RBFOX1: variants seen among roughly 807,000 people sequenced by gnomAD.
RBFOX1 encodes the protein RNA binding fox-1 homolog 1.
In RBFOX1, 8 loss-of-function variants were observed where a neutral mutation model predicts 57.7. The ratio of observed to expected loss-of-function variants is 0.14; its 90% CI spans 0.08 to 0.25. RBFOX1 has a LOEUF of 0.25. Ranked by LOEUF, RBFOX1 falls within the 10% of genes least tolerant of loss-of-function variation. The pLI, the probability that RBFOX1 is intolerant of heterozygous loss-of-function variation, is 1.00. For synonymous variants in RBFOX1, 326 were observed against 222.4 expected, an observed-to-expected ratio of 1.47 and a Z score of -4.15; for missense variants, 611 against 548.5, an observed-to-expected ratio of 1.11 and a Z score of -1.14.
chr16:7,478,647 C>G (rs1401552372), intron 4 of RBFOX1, among the ~76,000 whole-genome samples: 1 of 152,160 alleles, frequency 6.6e-6, no homozygotes, highest in African/African-American at 2.4e-5. Context: ...ATTTCAGAAG[C>G]CACTTTTGCC....
chr16:7,044,042 T>G (rs2047067161), intron 3 of RBFOX1, among the ~76,000 whole-genome samples: 1 of 152,204 alleles, frequency 6.6e-6, no homozygotes, highest in African/African-American at 2.4e-5. Flanking sequence ...TTCTCTGTAT[T>G]GTAATTATCC....
In RBFOX1 at chr16:7,504,747, A is replaced by ATATATT. The variant is rs2072432294; in HGVS notation, c.28-13395_28-13394insTTATAT. Among the ~76,000 whole-genome samples, 6 of 12,396 alleles carry ATATATT rather than the reference A, an allele frequency of 4.8e-4. 2 individuals carry two copies. The highest frequency in any genetic ancestry group is 1.5e-3 in the African/African-American group (6 of 3,892). The allele number at this position is 12,396 out of a possible 152,430, so 8.1% of individuals were successfully genotyped here. ...TATATATATATATATATATATATAT[A>ATATATT]TATATATTTATATATATATATATTT... On this transcript the variant is annotated intron_variant, in intron 4 of 15. Transcript: ENST00000550418.
At chr16:6,953,268 C>T (rs974382309) in intron 3 of RBFOX1, among the ~76,000 whole-genome samples, 1 of 152,146 alleles carries the variant, frequency 6.6e-6, no homozygotes, top group Non-Finnish European at 1.5e-5. Context: ...TAAGTTCAAA[C>T]ATATACACCG....
intron 2 of RBFOX1, among the ~76,000 whole-genome samples, chr16:6,653,261 C>T (rs1025942791): frequency 1.3e-5 from 2 of 152,020 alleles, no homozygotes; most frequent in Admixed American, 1.3e-4. Flanking sequence ...TATTTTTCTT[C>T]ATAGTACATA....
intron 1 of RBFOX1, among the ~76,000 whole-genome samples, chr16:5,443,970 G>T (rs1011451481): frequency 2.2e-4 from 33 of 152,062 alleles, no homozygotes; most frequent in African/African-American, 7.7e-4. Flanking sequence ...TCAACCATCG[G>T]CTCATGAAAC....
At chr16:5,759,121 C>G (rs965074396) in intron 3 of RBFOX1, among the ~76,000 whole-genome samples, 2 of 152,166 alleles carry the variant, frequency 1.3e-5, no homozygotes, top group African/African-American at 4.8e-5. Flanking sequence ...CCTTTCTTCA[C>G]TTTCCTTTTG....
intron 4 of RBFOX1, among the ~76,000 whole-genome samples, chr16:5,970,829 C>T (rs1224314526): frequency 1.3e-5 from 2 of 152,166 alleles, no homozygotes. Flanking sequence ...TCAGTATGCA[C>T]ATTGCAAGAT....
At chr16:5,613,814 TTC>T (rs1222626658) in intron 3 of RBFOX1, among the ~76,000 whole-genome samples, 2 of 152,120 alleles carry the variant, frequency 1.3e-5, no homozygotes, top group African/African-American at 4.8e-5. Flanking sequence ...GTTTTTTTTT[TTC>T]TTCCCCAGCC....
rs535688686 is a variant in RBFOX1 at position 5,422,024 on chromosome 16, T to C, written c.220-45192T>C. ...CTTGCTCAAAGTGAAGGGTTTTCTT[T>C]AAAAGCAATTACGCAGTACCTGTTA... On this transcript the variant is annotated intron_variant, in intron 1 of 2. Transcript: ENST00000585867. 2.6e-5 allele frequency among the ~76,000 whole-genome samples: 4 copies of C among 152,350 alleles called. No homozygotes were observed. In the South Asian group the frequency reaches 8.3e-4, roughly 32 times the overall value.
Position 6,348,768 on chromosome 16 carries a change from A to T in RBFOX1, c.-64+31711A>T, listed in dbSNP as rs528041562. Reference sequence around the variant, plus strand: ...ACCAAGGGGATGGTGCTAACCATTCATGAAGGATCCACACCCTTGATCCCA... The same window carrying T: ...ACCAAGGGGATGGTGCTAACCATTCTTGAAGGATCCACACCCTTGATCCCA... On this transcript the variant is annotated intron_variant, in intron 2 of 15. Coordinates refer to ENST00000550418, the MANE Select transcript of RBFOX1 (RefSeq NM_018723.4). Among the ~76,000 whole-genome samples, 16 of 152,148 alleles carry T rather than the reference A, an allele frequency of 1.1e-4. No homozygotes were observed. The East Asian group carries it at 1.6e-3, about 15-fold the overall frequency.
At chr16:7,072,033 A>G (rs967741582) in intron 4 of RBFOX1, among the ~76,000 whole-genome samples, 7 of 152,260 alleles carry the variant, frequency 4.6e-5, no homozygotes, top group Middle Eastern at 6.8e-3. Context: ...AGTCATAACG[A>G]TTTCTAAACT....
chr16:5,638,481 C>G (rs1366343518), intron 3 of RBFOX1, among the ~76,000 whole-genome samples: 1 of 152,240 alleles, frequency 6.6e-6, no homozygotes, highest in South Asian at 2.1e-4. Context: ...TTACTTTTCC[C>G]TCTGCCTGCA....
intron 1 of RBFOX1, among the ~76,000 whole-genome samples, chr16:6,131,012 A>G (rs974220678): frequency 6.6e-6 from 1 of 152,160 alleles, no homozygotes; most frequent in South Asian, 2.1e-4. Flanking sequence ...ATGTGGATGA[A>G]TCTCATATAC....
intron 4 of RBFOX1, among the ~76,000 whole-genome samples, chr16:5,875,315 A>T (rs2057576750): frequency 1.3e-5 from 2 of 152,326 alleles, no homozygotes; most frequent in South Asian, 4.1e-4. Flanking sequence ...GCCATATCTG[A>T]ACCAGGTTTG....
intron 3 of RBFOX1, among the ~76,000 whole-genome samples, chr16:6,918,501 C>T (rs573249084): frequency 2.0e-5 from 3 of 152,276 alleles, no homozygotes; most frequent in Non-Finnish European, 2.9e-5. Context: ...AAATTAATGT[C>T]TGCCTGGGCC....
At chr16:6,044,906 C>A (rs894854990) in intron 1 of RBFOX1, among the ~76,000 whole-genome samples, 1 of 152,192 alleles carries the variant, frequency 6.6e-6, no homozygotes, top group Non-Finnish European at 1.5e-5. Context: ...CCTCTGCATA[C>A]ATGTAGACCA....
intron 15 of RBFOX1, chr16:7,710,263 G>A (rs886109027): frequency 1.8e-6 from 2 of 1,102,568 alleles, no homozygotes; most frequent in African/African-American, 3.4e-5. Flanking sequence ...TGAGGAATGT[G>A]TTGGAGAGTT....
In RBFOX1 at chr16:5,909,090, C is replaced by CTTTTTTTTTTT. The variant is rs3041577; in HGVS notation, c.351+41765_351+41775dup. On this transcript the variant is annotated intron_variant, in intron 4 of 19. Coordinates refer to the RBFOX1 transcript ENST00000641259. Reference sequence around the variant, plus strand: ...ATCGGCTCCAACAGACTAAGCCCCCCTTTTTTTTTTTTTTTTTTTTGAGAC... The same window carrying CTTTTTTTTTTT: ...ATCGGCTCCAACAGACTAAGCCCCCCTTTTTTTTTTTTTTTTTTTTTTTTTTTTTTTGAGAC... Among the ~76,000 whole-genome samples, 17 of 116,386 alleles carry CTTTTTTTTTTT rather than the reference C, an allele frequency of 1.5e-4. 1 individual carries two copies. Among genetic ancestry groups the CTTTTTTTTTTT allele is most frequent in the African/African-American group, 3.8e-4 (11 of 28,994 alleles). 76.4% of individuals were successfully genotyped at this position (116,386 alleles called of 152,430 possible). A position where few individuals can be genotyped will look rare whatever the true frequency, so the allele number is the denominator to read the frequency against.
intron 3 of RBFOX1, among the ~76,000 whole-genome samples, chr16:5,829,929 T>C (rs2056204752): frequency 1.3e-5 from 2 of 152,202 alleles, no homozygotes; most frequent in Non-Finnish European, 2.9e-5. Context: ...GCATAGACGG[T>C]TGGGCTTCTG....
Sources: allele counts gnomAD v4.1 joint callset (sites outside exome capture counted in the v4.1 genomes callset), GRCh38; gene constraint gnomAD v4.1.1; transcripts MANE v1.5; gene names NCBI Gene and HGNC (gene_info 2026-07-23, HGNC 2026-07-21).